IFT80: variants seen among roughly 807,000 people sequenced by gnomAD.
The protein encoded by IFT80 is intraflagellar transport protein 80 homolog.
IFT80 carries 79 observed loss-of-function variants against 107.9 expected under a neutral mutation model. That is an observed-to-expected ratio of 0.73 (90% CI 0.61 to 0.88). IFT80 has a LOEUF of 0.88. Ranked by LOEUF, IFT80 falls within the 40% of genes least tolerant of loss-of-function variation. The pLI, the probability that IFT80 is intolerant of heterozygous loss-of-function variation, is 0.00. For synonymous variants in IFT80, 299 were observed against 300.9 expected, an observed-to-expected ratio of 0.99 and a Z score of 0.07; for missense variants, 797 against 914.2, an observed-to-expected ratio of 0.87 and a Z score of 1.65.
Position 160,384,588 on chromosome 3 carries a change from T to G in IFT80, c.13A>C (p.Ile5Leu), listed in dbSNP as rs184680258. ...TGCTTTGGTTCTTTTAAAAGAGATATCTTTAGTCTCATGACTCCACTTCCA... is the reference window on the plus strand; with the variant it reads ...TGCTTTGGTTCTTTTAAAAGAGATAGCTTTAGTCTCATGACTCCACTTCCA... MRLK[I>L]SLLKEPKHQE... Residue 5 changes from isoleucine (I) to leucine (L), a missense_variant, in exon 2 of 20, where the codon ATA becomes CTA. By Grantham distance (5) the Ile-to-Leu change is conservative (BLOSUM62 2). Coordinates refer to ENST00000326448, the MANE Select transcript of IFT80 (RefSeq NM_020800.3). The G allele has an allele frequency of 1.7e-4, 254 of 1,535,424 alleles. 2 individuals are homozygous for G. The South Asian group carries it at 2.4e-3, about 15-fold the overall frequency.
At chr3:160,356,555 CTG>C (rs1378776427) in intron 7 of IFT80, among the ~76,000 whole-genome samples, 1 of 152,142 alleles carries the variant, frequency 6.6e-6, no homozygotes, top group Non-Finnish European at 1.5e-5. Flanking sequence ...GGGTCTCACT[CTG>C]TGGCCCAGGC....
At position 160,307,687 on chromosome 3, in the gene IFT80, GT is replaced by G; in HGVS notation, c.1051del (p.Thr351ArgfsTer28). 2 of 1,580,918 alleles carry G rather than the reference GT, an allele frequency of 1.3e-6. No homozygotes were observed. The highest frequency in any genetic ancestry group is 2.2e-5 in the South Asian group (2 of 90,432). On this transcript the variant is annotated frameshift_variant, in exon 10 of 20. Coordinates refer to ENST00000326448, the MANE Select transcript of IFT80 (RefSeq NM_020800.3). LOFTEE classifies it high-confidence loss of function. Reference protein sequence around the residue: ...SLNYAHLVVSTSLQCYVFSTK... With the variant: ...SLNYAHLVVSXSLQCYVFSTK... ...CGAGAACACGTAACATTGAAGAGAC[GT>G]TGAAACAACTAAGTGTGCATAGTTC... is the stretch of plus-strand genomic sequence containing the variant.
At position 160,356,097 on chromosome 3, in the gene IFT80, G is replaced by A; in HGVS notation, c.693C>T (p.Pro231=). ...CTGGAGCCCAGGCAACTGAAGTAAT[G>A]GGATGCTCATGAGGTTGTGAATTGT... ...PLYNSQPHEH[P]ITSVAWAPDG... is the part of the protein sequence containing the mutation. Residue 231 remains proline (P), a synonymous_variant, in exon 8 of 20, where the codon CCC becomes CCT. Coordinates refer to ENST00000326448, the MANE Select transcript of IFT80 (RefSeq NM_020800.3). 6.2e-7 allele frequency: 1 copy of A among 1,614,064 alleles called. No homozygotes were observed. Among genetic ancestry groups the A allele is most frequent in the South Asian group, 1.1e-5 (1 of 91,086 alleles).
chr3:160,322,665 GT>G (rs1313785484), intron 8 of IFT80, among the ~76,000 whole-genome samples: 2 of 151,980 alleles, frequency 1.3e-5, no homozygotes, highest in Non-Finnish European at 2.9e-5. Flanking sequence ...GTGTAAAAGT[GT>G]TCCTATTTCT....
In IFT80 at chr3:160,366,161, T is replaced by C. The variant is rs754536366; in HGVS notation, c.440-9A>G. ...TGAATACACTGGTGTTCCTGTAAGATGAAAAAAGAAAAAAAAAAGGCTGAT... is the reference window on the plus strand; with the variant it reads ...TGAATACACTGGTGTTCCTGTAAGACGAAAAAAGAAAAAAAAAAGGCTGAT... On this transcript the variant is annotated splice_polypyrimidine_tract_variant and intron_variant, in intron 5 of 19. Transcript: ENST00000326448. 2.5e-6 allele frequency: 4 copies of C among 1,579,872 alleles called. No individual in the cohort carries two copies. In the South Asian group the frequency reaches 3.4e-5, roughly 13 times the overall value.
chr3:160,277,685 G>A lies in IFT80; in HGVS notation c.1837-15C>T. 6.4e-7 allele frequency: 1 copy of A among 1,571,958 alleles called. No homozygotes were observed. Among genetic ancestry groups the A allele is most frequent in the South Asian group, 1.1e-5 (1 of 90,068 alleles). On this transcript the variant is annotated splice_polypyrimidine_tract_variant and intron_variant, in intron 16 of 19. Coordinates refer to ENST00000326448, the MANE Select transcript of IFT80 (RefSeq NM_020800.3). ...ATGGTTTGCTCCTAAAGTAAAGTAT[G>A]AGAACAATTATCTTAACTATGTGAC...
chr3:160,270,387 C>A (rs1380723712), intron 18 of IFT80, among the ~76,000 whole-genome samples: 1 of 152,126 alleles, frequency 6.6e-6, no homozygotes, highest in African/African-American at 2.4e-5. Flanking sequence ...AACTGATAGA[C>A]TTTTGAGAGA....
intron 19 of IFT80, among the ~76,000 whole-genome samples, chr3:160,260,324 T>G (rs1712718782): frequency 6.6e-6 from 1 of 152,224 alleles, no homozygotes; most frequent in Admixed American, 6.5e-5. Context: ...AATCTGATAT[T>G]TTTTAAACGG....
At chr3:160,320,244 C>T (rs1718109035) in intron 8 of IFT80, 2 of 225,104 alleles carry the variant, frequency 8.9e-6, no homozygotes, top group East Asian at 9.9e-5. Context: ...CACAAAGATT[C>T]TGTAGAAAAA....
chr3:160,319,847 A>G lies in IFT80; in HGVS notation c.870T>C (p.Asn290=), dbSNP rs774244209. The G allele has an allele frequency of 1.9e-6, 3 of 1,612,978 alleles. No individual in the cohort carries two copies. The highest frequency in any genetic ancestry group is 2.5e-6 in the Non-Finnish European group (3 of 1,179,280). Residue 290 remains asparagine (N), a synonymous_variant, in exon 9 of 20, where the codon AAT becomes AAC. Transcript: ENST00000326448. ...CCACATGTGCAAAAACGACATGTCC[A>G]TTTCCACAGGCTCCAGCAATCTGAG... is the stretch of plus-strand genomic sequence containing the variant. ...DGTQIAGACG[N]GHVVFAHVVE...
chr3:160,270,827 C>T (rs1350271316), intron 18 of IFT80, among the ~76,000 whole-genome samples: 2 of 152,120 alleles, frequency 1.3e-5, no homozygotes, highest in African/African-American at 4.8e-5. Flanking sequence ...ACCTTAGAAG[C>T]TCCATCTCCC....
intron 5 of IFT80, 52 bp from the exon 6 acceptor site, chr3:160,366,204 C>G: frequency 7.8e-7 from 1 of 1,285,798 alleles, no homozygotes; most frequent in Non-Finnish European, 1.1e-6. Flanking sequence ...AATTATTATG[C>G]CTTATAAAAA....
intron 3 of IFT80, 31 bp downstream of exon 3, chr3:160,381,472 G>A (rs1712512799): frequency 6.8e-7 from 1 of 1,473,632 alleles, no homozygotes; most frequent in Non-Finnish European, 9.5e-7. Context: ...TAAATACAAT[G>A]GCGAGCATAT....
intron 17 of IFT80, 32 bp downstream of exon 17, chr3:160,277,549 C>T (rs1191945623): frequency 1.3e-6 from 2 of 1,580,528 alleles, no homozygotes; most frequent in Non-Finnish European, 8.7e-7. Context: ...AGAAAAAACA[C>T]ATGTACATAT....
intron 12 of IFT80, 41 bp from the exon 13 acceptor site, chr3:160,285,909 A>C (rs748677957): frequency 7.3e-7 from 1 of 1,377,568 alleles, no homozygotes; most frequent in South Asian, 1.2e-5. Context: ...GTTATATTAG[A>C]ATTTTTACTG....
At chr3:160,279,467 T>C in intron 15 of IFT80, 103 bp from the exon 16 acceptor site, 1 of 888,624 alleles carries the variant, frequency 1.1e-6, no homozygotes, top group Non-Finnish European at 1.8e-6. Context: ...ACACGGAGTC[T>C]CCAATCTCCA....
At chr3:160,304,973 A>G (rs1193209052) in intron 10 of IFT80, among the ~76,000 whole-genome samples, 1 of 152,188 alleles carries the variant, frequency 6.6e-6, no homozygotes, top group Non-Finnish European at 1.5e-5. Context: ...CTAAAATACT[A>G]TATAAATGTA....
At chr3:160,268,672 C>T in intron 18 of IFT80, 136 bp from the exon 19 acceptor site, 1 of 854,024 alleles carries the variant, frequency 1.2e-6, no homozygotes, top group Non-Finnish European at 1.9e-6. Context: ...TTTTCTACCT[C>T]ATCCATCTTG....
intron 3 of IFT80, among the ~76,000 whole-genome samples, chr3:160,378,060 C>T (rs1712168194): frequency 6.6e-6 from 1 of 152,090 alleles, no homozygotes; most frequent in Non-Finnish European, 1.5e-5. Flanking sequence ...TAAAGTTTTA[C>T]AGTGTTTTTA....
Sources: gnomAD v4.1 joint callset for allele counts (sites outside exome capture counted in the v4.1 genomes callset) on GRCh38, gnomAD v4.1.1 for gene constraint, MANE v1.5 for transcripts, NCBI Gene and HGNC (gene_info 2026-07-23, HGNC 2026-07-21) for gene names.